The following ZC3H12D variants were observed in gnomAD, a reference collection of about 807,000 sequenced individuals.
ZC3H12D encodes zinc finger CCCH-type containing 12D.
ZC3H12D carries 11 observed loss-of-function variants against 24.2 expected under a neutral mutation model. The ratio of observed to expected loss-of-function variants is 0.46; its 90% CI spans 0.29 to 0.75. The LOEUF (loss-of-function observed/expected upper bound fraction) is 0.75, where lower values mean the gene tolerates loss of function less well. Ranked by LOEUF, ZC3H12D falls within the 30% of genes least tolerant of loss-of-function variation. The pLI is 0.11. For synonymous variants in ZC3H12D, 333 were observed against 341.8 expected, an observed-to-expected ratio of 0.97 and a Z score of 0.28; for missense variants, 740 against 767.7, an observed-to-expected ratio of 0.96 and a Z score of 0.43.
chr6:149,450,453 C>T lies in ZC3H12D; in HGVS notation c.*230G>A. The T allele has an allele frequency of 3.9e-6, 2 of 512,268 alleles. No individual in the cohort carries two copies. Among genetic ancestry groups the T allele is most frequent in the South Asian group, 3.3e-5 (1 of 30,552 alleles). 31.7% of individuals were successfully genotyped at this position (512,268 alleles called of 1,614,324 possible). A position where few individuals can be genotyped will look rare whatever the true frequency, so the allele number is the denominator to read the frequency against. ...TGCACATGGAAAATCATTCCCTCCA[C>T]GGAAGTGGGTGGACCTCCCCGCAGC... On this transcript the variant is annotated 3_prime_UTR_variant, in exon 6 of 6. Coordinates refer to ENST00000409806, the MANE Select transcript of ZC3H12D (RefSeq NM_207360.3).
chr6:149,458,111 C>CTCGTTTCTTT (rs1246641761), intron 3 of ZC3H12D, among the ~76,000 whole-genome samples: 7 of 80,238 alleles, frequency 8.7e-5, no homozygotes, highest in African/African-American at 2.8e-4. Context: ...CTTTCTTTTT[C>CTCGTTTCTTT]TTTTTTTTTT....
At chr6:149,481,847 A>G (rs1334559880) in intron 1 of ZC3H12D, among the ~76,000 whole-genome samples, 1 of 152,222 alleles carries the variant, frequency 6.6e-6, no homozygotes, top group African/African-American at 2.4e-5. Flanking sequence ...TCGTTTTGAG[A>G]TGTGTTCAGG....
At chr6:149,458,767 T>C (rs565682529) in intron 3 of ZC3H12D, among the ~76,000 whole-genome samples, 1 of 152,342 alleles carries the variant, frequency 6.6e-6, no homozygotes, top group African/African-American at 2.4e-5. Flanking sequence ...TTTCAGGCTT[T>C]TGGATGTTTG....
chr6:149,471,587 CTCTT>C (rs1415503311), intron 2 of ZC3H12D, among the ~76,000 whole-genome samples: 1 of 152,264 alleles, frequency 6.6e-6, no homozygotes, highest in East Asian at 1.9e-4. Context: ...AAAGCTGTGA[CTCTT>C]TCCCCCAGAG....
At chr6:149,459,667 C>T (rs748719150) in intron 3 of ZC3H12D, 4 of 717,868 alleles carry the variant, frequency 5.6e-6, no homozygotes, top group African/African-American at 3.5e-5. Flanking sequence ...CACTCATTTC[C>T]CATCCCTATC....
chr6:149,474,508 C>A lies in ZC3H12D; in HGVS notation c.36G>T (p.Lys12Asn). Residue 12 changes from lysine (K) to asparagine (N), a missense_variant, in exon 2 of 6, where the codon AAG becomes AAT. Transcript: ENST00000409806. ...GCACATCCTCCCGGTCATAGCCCAG[C>A]TTCTGGAAGAATTCCATCTTGCTGG... is the stretch of plus-strand genomic sequence containing the variant. ...EHPSKMEFFQ[K>N]LGYDREDVLR... 6.5e-7 allele frequency: 1 copy of A among 1,547,364 alleles called. No individual in the cohort carries two copies. Among genetic ancestry groups the A allele is most frequent in the Non-Finnish European group, 8.8e-7 (1 of 1,139,628 alleles).
chr6:149,468,292 T>G (rs1776192682), intron 2 of ZC3H12D, among the ~76,000 whole-genome samples: 1 of 151,966 alleles, frequency 6.6e-6, no homozygotes, highest in African/African-American at 2.4e-5. Context: ...GAGATGGGAG[T>G]TTTGAATAAC....
chr6:149,456,895 G>T lies in ZC3H12D; in HGVS notation c.451C>A (p.His151Asn), dbSNP rs368066267. 6.3e-7 allele frequency: 1 copy of T among 1,599,040 alleles called. No homozygotes were observed. Among genetic ancestry groups the T allele is most frequent in the African/African-American group, 1.3e-5 (1 of 74,824 alleles). ...TGCCGCTCCAGCTCCGCCAGCACGT[G>T]CTGCTCTGAGGGCGGGGCGACGGAG... ...PRADTPIREQHVLAELERQAV... is the reference protein window; with the variant it reads ...PRADTPIREQNVLAELERQAV... The change falls in exon 4 of 6, where the codon CAC (histidine) becomes AAC (asparagine). Residue 151 changes from histidine to asparagine, a missense_variant. By Grantham distance (68) the His-to-Asn change is moderately conservative. Coordinates refer to ENST00000409806, the MANE Select transcript of ZC3H12D (RefSeq NM_207360.3). This position sits in a 1 kb window ranked among gnomAD's most constrained non-coding sequence, Gnocchi z 4.3.
At chr6:149,477,267 G>T (rs1776356595) in intron 1 of ZC3H12D, among the ~76,000 whole-genome samples, 1 of 152,238 alleles carries the variant, frequency 6.6e-6, no homozygotes, top group Non-Finnish European at 1.5e-5. Context: ...GCAGGTGAAG[G>T]GCATTTCACA....
At chr6:149,473,732 C>G (rs1031029209) in intron 2 of ZC3H12D, among the ~76,000 whole-genome samples, 1 of 152,166 alleles carries the variant, frequency 6.6e-6, no homozygotes, top group African/African-American at 2.4e-5. Flanking sequence ...CACACCTTCC[C>G]CTCTGATGCT....
chr6:149,470,989 G>C (rs1776234792), intron 2 of ZC3H12D, among the ~76,000 whole-genome samples: 1 of 152,190 alleles, frequency 6.6e-6, no homozygotes. Context: ...ACAGCAAGAG[G>C]TCCAGCAAAA....
chr6:149,475,950 C>T (rs1285177666), intron 1 of ZC3H12D, among the ~76,000 whole-genome samples: 1 of 152,154 alleles, frequency 6.6e-6, no homozygotes, highest in Admixed American at 6.5e-5. Context: ...CAGAAATAAT[C>T]ATGAAAACAT....
At chr6:149,480,213 A>G (rs1396435393) in intron 1 of ZC3H12D, among the ~76,000 whole-genome samples, 1 of 152,250 alleles carries the variant, frequency 6.6e-6, no homozygotes, top group East Asian at 1.9e-4. Flanking sequence ...TAGACAAAAA[A>G]CATTAACAAT....
intron 1 of ZC3H12D, among the ~76,000 whole-genome samples, chr6:149,480,611 C>T (rs1401226005): frequency 1.3e-5 from 2 of 152,152 alleles, no homozygotes; most frequent in African/African-American, 4.8e-5. Flanking sequence ...TGGCGCATGC[C>T]TTTAATCCCA....
intron 5 of ZC3H12D, 90 bp from the exon 6 acceptor site, chr6:149,451,569 C>G (rs1436561941): frequency 8.6e-7 from 1 of 1,167,674 alleles, no homozygotes; most frequent in Non-Finnish European, 1.1e-6. Flanking sequence ...AGTGCCGGCC[C>G]GCGGCCTCTC....
rs1209102653 is a variant in ZC3H12D, at chr6:149,448,069, C to A, written c.*2614G>T. 6.6e-6 allele frequency: 1 copy of A among 152,070 alleles called. No homozygotes were observed. The highest frequency in any genetic ancestry group is 1.5e-5 in the Non-Finnish European group (1 of 68,034). 9.4% of individuals were successfully genotyped at this position (152,070 alleles called of 1,614,324 possible). Reference sequence around the variant, plus strand: ...CACTTTGGGAGGCTGAGGCGGGGATCACAAGGTCAGGAGATCGAGACCATC... The same window carrying A: ...CACTTTGGGAGGCTGAGGCGGGGATAACAAGGTCAGGAGATCGAGACCATC... On this transcript the variant is annotated 3_prime_UTR_variant, in exon 6 of 6. Transcript: ENST00000409806.
chr6:149,451,262 C>A lies in ZC3H12D; in HGVS notation c.1005G>T (p.Gly335=), dbSNP rs951757133. ...CTCGCAGGGCGGCCAGGTCCGGGGA[C>A]CCCCGCGCCGGCGGGAGGCTGTGCG... ...PFAHSLPPAR[G]SPDLAALRGS... is the part of the protein sequence containing the mutation. The change falls in exon 6 of 6, where the codon GGG becomes GGT. Residue 335 remains glycine (G), a synonymous_variant. Transcript: ENST00000409806. 3.8e-6 allele frequency: 5 copies of A among 1,300,148 alleles called. No homozygotes were observed. The African/African-American group carries it at 6.2e-5, about 16-fold the overall frequency. 80.5% of individuals were successfully genotyped at this position (1,300,148 alleles called of 1,614,324 possible).
At position 149,451,489 on chromosome 6, in the gene ZC3H12D, G is replaced by C. The variant is rs765661132; in HGVS notation, c.788-10C>G. On this transcript the variant is annotated splice_polypyrimidine_tract_variant and intron_variant, in intron 5 of 5. Transcript: ENST00000409806. The stretch of plus-strand genomic sequence containing the variant: ...TAGGTGCATTTCTTGCCTGAAAGGG[G>C]CGGGGGCAGAGAGGGCGCGACGTGA... 18 of 1,559,840 alleles carry C rather than the reference G, an allele frequency of 1.2e-5. No individual in the cohort carries two copies. In the African/African-American group the frequency reaches 1.8e-4, roughly 16 times the overall value.
chr6:149,456,613 C>T lies in ZC3H12D; in HGVS notation c.680+53G>A. 2 of 1,191,488 alleles carry T rather than the reference C, an allele frequency of 1.7e-6. No homozygotes were observed. The highest frequency in any genetic ancestry group is 1.9e-5 in the Admixed American group (1 of 53,980). 73.8% of individuals were successfully genotyped at this position (1,191,488 alleles called of 1,614,324 possible). ...AGCAGGCGTGGCCACTGCCTCGACCCCGGCCCCCCGCCCCGCCGCCCCCCA... is the reference window on the plus strand; with the variant it reads ...AGCAGGCGTGGCCACTGCCTCGACCTCGGCCCCCCGCCCCGCCGCCCCCCA... On this transcript the variant is annotated intron_variant, in intron 4 of 5. Coordinates refer to ENST00000409806, the MANE Select transcript of ZC3H12D (RefSeq NM_207360.3). The surrounding 1 kb of genome is among the most constrained non-coding windows in gnomAD (Gnocchi z 4.3).
Sources: allele counts gnomAD v4.1 joint callset (sites outside exome capture counted in the v4.1 genomes callset), GRCh38; gene constraint gnomAD v4.1.1; non-coding constraint Gnocchi (gnomAD v3.1); transcripts MANE v1.5; gene names NCBI Gene and HGNC (gene_info 2026-07-23, HGNC 2026-07-21).